Variants in PHACTR3 observed in about 807,000 individuals in gnomAD.
PHACTR3 encodes the protein phosphatase and actin regulator 3.
PHACTR3 carries 16 observed loss-of-function variants against 66.8 expected under a neutral mutation model. That is an observed-to-expected ratio of 0.24 (90% CI 0.16 to 0.36). The LOEUF (loss-of-function observed/expected upper bound fraction) is 0.36. Among genes scored for constraint, PHACTR3 ranks in the 10% least tolerant of loss-of-function variants. The probability of loss-of-function intolerance (pLI) is 1.00; values close to 1 mark genes in which losing one functional copy is unlikely to be tolerated. For synonymous variants in PHACTR3, 323 were observed against 292.1 expected (o/e 1.11, Z -1.08); for missense variants, 647 against 719.9 (o/e 0.90, Z 1.16).
At chr20:59,657,873 C>T (rs1318035487) in intron 1 of PHACTR3, among the ~76,000 whole-genome samples, 2 of 152,074 alleles carry the variant, frequency 1.3e-5, no homozygotes, top group Non-Finnish European at 2.9e-5. Context: ...AGGCTTTAGC[C>T]ATTATTTCTT....
At chr20:59,715,547 G>C (rs575240000) in intron 1 of PHACTR3, among the ~76,000 whole-genome samples, 1 of 152,096 alleles carries the variant, frequency 6.6e-6, no homozygotes. Context: ...TAGGATTTCT[G>C]TATCTATGGT....
Position 59,746,177 on chromosome 20 carries a change from C to T in PHACTR3, c.281-1581C>T, listed in dbSNP as rs116450004. Among the ~76,000 whole-genome samples, 819 of 152,354 alleles carry T rather than the reference C, an allele frequency of 5.4e-3. 13 individuals carry two copies. Among genetic ancestry groups the T allele is most frequent in the African/African-American group, 0.019 (788 of 41,580 alleles). The stretch of plus-strand genomic sequence containing the variant: ...TCTGCCCAAAAATGTCCCCACCCTG[C>T]TGTGTTTGGGTTTCCCTTTTCATCC... On this transcript the variant is annotated intron_variant, in intron 2 of 12. Transcript: ENST00000371015.
At chr20:59,726,358 A>G (rs924433334) in intron 1 of PHACTR3, among the ~76,000 whole-genome samples, 1 of 152,142 alleles carries the variant, frequency 6.6e-6, no homozygotes, top group Non-Finnish European at 1.5e-5. Flanking sequence ...ACCAGCACTA[A>G]GTCAATGGGA....
chr20:59,699,058 C>T (rs1375068261), intron 1 of PHACTR3, among the ~76,000 whole-genome samples: 1 of 152,140 alleles, frequency 6.6e-6, no homozygotes, highest in Non-Finnish European at 1.5e-5. Flanking sequence ...GGAGTATTAA[C>T]TGGAAAGGAG....
intron 1 of PHACTR3, 116 bp downstream of exon 1, chr20:59,605,248 A>G (rs1377478175): frequency 5.8e-6 from 4 of 691,902 alleles, no homozygotes; most frequent in African/African-American, 5.6e-5. Context: ...CGCGGCAGGA[A>G]CCCGCGCTCG....
At chr20:59,808,748 G>C (rs556180572) in intron 8 of PHACTR3, among the ~76,000 whole-genome samples, 1 of 152,284 alleles carries the variant, frequency 6.6e-6, no homozygotes, top group South Asian at 2.1e-4. Flanking sequence ...TTTCTAGCAA[G>C]CTTCTAGGGC....
intron 1 of PHACTR3, among the ~76,000 whole-genome samples, chr20:59,661,139 C>T (rs1003716384): frequency 2.6e-5 from 4 of 152,176 alleles, no homozygotes; most frequent in African/African-American, 9.7e-5. Flanking sequence ...GGATTCGATT[C>T]TAGGGGCATG....
At chr20:59,625,365 G>A (rs1341381062) in intron 1 of PHACTR3, among the ~76,000 whole-genome samples, 1 of 152,036 alleles carries the variant, frequency 6.6e-6, no homozygotes, top group Non-Finnish European at 1.5e-5. Context: ...GCAGGCAGCT[G>A]CCCAGTACGG....
chr20:59,584,823 A>G (rs2032973326), intron 1 of PHACTR3, among the ~76,000 whole-genome samples: 1 of 152,082 alleles, frequency 6.6e-6, no homozygotes, highest in Non-Finnish European at 1.5e-5. Flanking sequence ...CTCACCCCCT[A>G]TTCCGGGGGG....
Position 59,711,598 on chromosome 20 carries a change from C to A in PHACTR3, c.119-31509C>A, listed in dbSNP as rs2426819. On this transcript the variant is annotated intron_variant, in intron 1 of 12. Transcript: ENST00000371015. ...TACCTAATCTACTGAACATCATAGC[C>A]TCGCCTGTCATAAATGTGCTCAAAA... is the stretch of plus-strand genomic sequence containing the variant. 3.3e-5 allele frequency among the ~76,000 whole-genome samples: 5 copies of A among 152,076 alleles called. No homozygotes were observed. In the South Asian group the frequency reaches 8.3e-4, roughly 25 times the overall value.
chr20:59,600,503 G>T (rs1332958246), upstream of PHACTR3, among the ~76,000 whole-genome samples: 3 of 152,260 alleles, frequency 2.0e-5, no homozygotes, highest in East Asian at 1.9e-4. Context: ...GGGTGGAATT[G>T]GTCTTGGGGT....
intron 8 of PHACTR3, among the ~76,000 whole-genome samples, chr20:59,821,968 C>A (rs2042041742): frequency 6.7e-6 from 1 of 150,056 alleles, no homozygotes; most frequent in Admixed American, 6.6e-5. Context: ...GCAATCCTAC[C>A]CTTTCTGCAG....
intron 7 of PHACTR3, among the ~76,000 whole-genome samples, chr20:59,779,991 T>G (rs1443669408): frequency 6.6e-6 from 1 of 152,254 alleles, no homozygotes; most frequent in East Asian, 1.9e-4. Flanking sequence ...CTTTTCTCTG[T>G]GCTGAACCCA....
At chr20:59,634,835 G>C (rs993440653) in intron 1 of PHACTR3, among the ~76,000 whole-genome samples, 1 of 152,188 alleles carries the variant, frequency 6.6e-6, no homozygotes, top group South Asian at 2.1e-4. Flanking sequence ...TCGAAATGTG[G>C]CTCATGCAAC....
intron 1 of PHACTR3, among the ~76,000 whole-genome samples, chr20:59,596,057 C>G (rs768424308): frequency 2.0e-5 from 3 of 152,232 alleles, no homozygotes; most frequent in Non-Finnish European, 4.4e-5. Flanking sequence ...CTCGTGTCCT[C>G]TCTTAACAAA....
chr20:59,586,696 A>T (rs2033039540), intron 1 of PHACTR3, among the ~76,000 whole-genome samples: 1 of 151,974 alleles, frequency 6.6e-6, no homozygotes, highest in South Asian at 2.1e-4. Flanking sequence ...GCAGTGGGGG[A>T]TTGGAGAGGA....
intron 8 of PHACTR3, among the ~76,000 whole-genome samples, chr20:59,827,771 G>C (rs574739998): frequency 9.8e-4 from 150 of 152,296 alleles, no homozygotes; most frequent in African/African-American, 3.4e-3. Context: ...TGGCCTGAAG[G>C]CTTGTCACTG....
At chr20:59,628,110 C>G (rs1188518472) in intron 1 of PHACTR3, 1 of 152,202 alleles carries the variant, frequency 6.6e-6, no homozygotes, top group Non-Finnish European at 1.5e-5. Context: ...CTTAAGGCTT[C>G]GGCATGGAAG....
At chr20:59,766,882 C>T (rs530285524) in intron 4 of PHACTR3, among the ~76,000 whole-genome samples, 2 of 152,304 alleles carry the variant, frequency 1.3e-5, no homozygotes, top group South Asian at 4.2e-4. Flanking sequence ...TGTCTGACTC[C>T]AAAACCTGGC....
Sources: gnomAD v4.1 joint callset for allele counts (sites outside exome capture counted in the v4.1 genomes callset) on GRCh38, gnomAD v4.1.1 for gene constraint, MANE v1.5 for transcripts, NCBI Gene and HGNC (gene_info 2026-07-23, HGNC 2026-07-21) for gene names.